The following NOL4 variants were observed in gnomAD, a reference collection of about 807,000 sequenced individuals.
The protein encoded by NOL4 is cancer/testis antigen 125.
In NOL4, 17 loss-of-function variants were observed where a neutral mutation model predicts 75.9. That is an observed-to-expected ratio of 0.22 (90% confidence interval 0.15 to 0.34). The LOEUF is 0.34. Ranked by LOEUF, NOL4 falls within the 10% of genes least tolerant of loss-of-function variation. NOL4 has a pLI of 1.00. For synonymous variants in NOL4, 292 were observed against 289.9 expected (o/e 1.01, Z -0.07); for missense variants, 614 against 793.5 (o/e 0.77, Z 2.72).
At chr18:33,986,758 TCA>T (rs1469226423) in intron 6 of NOL4, among the ~76,000 whole-genome samples, 1 of 152,090 alleles carries the variant, frequency 6.6e-6, no homozygotes, top group African/African-American at 2.4e-5. Flanking sequence ...AAAAAAAATC[TCA>T]CACTTATTTA....
chr18:33,955,898 G>C (rs868677092), intron 8 of NOL4, among the ~76,000 whole-genome samples: 9 of 152,040 alleles, frequency 5.9e-5, no homozygotes, highest in South Asian at 2.1e-4. Flanking sequence ...AGGCTATTTG[G>C]TTTAACTAGG....
At chr18:34,022,434 T>G (rs2075099616) in intron 5 of NOL4, among the ~76,000 whole-genome samples, 1 of 152,092 alleles carries the variant, frequency 6.6e-6, no homozygotes, top group African/African-American at 2.4e-5. Context: ...TTCAAAATAT[T>G]ATTTTAACAT....
chr18:34,133,400 T>A (rs1009191095), intron 1 of NOL4, among the ~76,000 whole-genome samples: 5 of 151,114 alleles, frequency 3.3e-5, no homozygotes, highest in African/African-American at 1.2e-4. Flanking sequence ...GTAAATGACA[T>A]CAGACAGTAA....
In NOL4 at chr18:34,123,709, G is replaced by T. The variant is rs138017122; in HGVS notation, c.414+6162C>A. On this transcript the variant is annotated intron_variant, in intron 2 of 10. Transcript: ENST00000261592. Reference sequence around the variant, plus strand: ...TAATAGATATATATGTATATATAGAGAGATAGATGGATACATATATGTCTA... The same window carrying T: ...TAATAGATATATATGTATATATAGATAGATAGATGGATACATATATGTCTA... Among the ~76,000 whole-genome samples the T allele has an allele frequency of 4.7e-4, 67 of 141,318 alleles. 1 individual carries two copies. In the East Asian group the frequency reaches 0.013, roughly 27 times the overall value. 92.7% of individuals were successfully genotyped at this position (141,318 alleles called of 152,430 possible). A position where few individuals can be genotyped will look rare whatever the true frequency, so the allele number is the denominator to read the frequency against.
intron 1 of NOL4, among the ~76,000 whole-genome samples, chr18:34,210,385 T>C (rs2036433293): frequency 1.3e-5 from 2 of 152,238 alleles, no homozygotes; most frequent in Admixed American, 1.3e-4. Context: ...ATTTTGAGTC[T>C]TTGTAATGCA....
intron 6 of NOL4, among the ~76,000 whole-genome samples, chr18:34,002,167 T>C (rs1361048261): frequency 6.6e-6 from 1 of 152,154 alleles, no homozygotes; most frequent in Non-Finnish European, 1.5e-5. Flanking sequence ...TTATCCTCAC[T>C]ACTCATAGTA....
chr18:33,985,616 A>G (rs1204745437), intron 6 of NOL4, among the ~76,000 whole-genome samples: 4 of 152,064 alleles, frequency 2.6e-5, no homozygotes, highest in African/African-American at 9.7e-5. Context: ...AAAGACCCTC[A>G]TGTCTTGTCT....
chr18:33,996,981 T>TTA (rs2073335355), intron 6 of NOL4, among the ~76,000 whole-genome samples: 1 of 151,906 alleles, frequency 6.6e-6, no homozygotes, highest in South Asian at 2.1e-4. Context: ...TTTAAGTTCC[T>TTA]TACGCATTCT....
At chr18:33,882,003 T>G (rs974065906) in intron 10 of NOL4, among the ~76,000 whole-genome samples, 2 of 152,200 alleles carry the variant, frequency 1.3e-5, no homozygotes, top group Non-Finnish European at 2.9e-5. Flanking sequence ...GCTAGCCATA[T>G]GTAGAAAGCT....
intron 5 of NOL4, among the ~76,000 whole-genome samples, chr18:34,058,603 T>A (rs1198331368): frequency 6.6e-6 from 1 of 152,170 alleles, no homozygotes; most frequent in Admixed American, 6.5e-5. Context: ...TGCCTACGTC[T>A]AGCAAGCACC....
At chr18:34,181,516 G>T (rs970134827) in intron 1 of NOL4, among the ~76,000 whole-genome samples, 2 of 151,448 alleles carry the variant, frequency 1.3e-5, no homozygotes, top group African/African-American at 4.8e-5. Context: ...TTAAGTAACA[G>T]TTTTTAAAAT....
intron 1 of NOL4, among the ~76,000 whole-genome samples, chr18:34,160,871 T>A (rs1392453326): frequency 6.6e-6 from 1 of 152,188 alleles, no homozygotes; most frequent in African/African-American, 2.4e-5. Context: ...CAATATATTG[T>A]TGCTAACTAT....
At chr18:34,054,921 C>T (rs117333808) in intron 5 of NOL4, among the ~76,000 whole-genome samples, 5,624 of 149,732 alleles carry the variant, frequency 0.038, 130 homozygotes, top group East Asian at 0.062. Context: ...ACATAACATT[C>T]TATATAATGT....
chr18:34,093,581 T>C lies in NOL4; in HGVS notation c.656A>G (p.Glu219Gly). 1 of 1,588,450 alleles carries C rather than the reference T, an allele frequency of 6.3e-7. No homozygotes were observed. Among genetic ancestry groups the C allele is most frequent in the Non-Finnish European group, 8.6e-7 (1 of 1,164,036 alleles). The part of the protein sequence containing the change: ...SQQDEDESSI[E>G]SDEFDMSDST... ...ATCACTCATGTCAAATTCATCACTT[T>C]CTATTGAACTTTCATCCTGAAAATA... is the stretch of plus-strand genomic sequence containing the variant. Residue 219 changes from glutamate (E) to glycine (G), a missense_variant, in exon 5 of 11, where the codon GAA (glutamate) becomes GGA (glycine). Physicochemically the swap from Glu to Gly is moderately conservative, Grantham distance 98 (BLOSUM62 -2). Around this residue, in one of 9 missense-constraint regions of NOL4, gnomAD observed 135 missense variants for 220.4 expected, o/e 0.61. Transcript: ENST00000261592.
At chr18:33,930,388 A>G (rs1432456254) in intron 9 of NOL4, among the ~76,000 whole-genome samples, 4 of 152,118 alleles carry the variant, frequency 2.6e-5, no homozygotes, top group Non-Finnish European at 5.9e-5. Context: ...TTTTGTAATC[A>G]CATTTCTCTG....
intron 5 of NOL4, among the ~76,000 whole-genome samples, chr18:34,056,288 C>T (rs565874952): frequency 5.3e-5 from 8 of 152,288 alleles, no homozygotes; most frequent in South Asian, 4.1e-4. Context: ...GTGCAGAGAA[C>T]GGCCTTCATC....
At chr18:33,944,803 C>T (rs2068727900) in intron 8 of NOL4, among the ~76,000 whole-genome samples, 1 of 151,812 alleles carries the variant, frequency 6.6e-6, no homozygotes, top group Non-Finnish European at 1.5e-5. Flanking sequence ...AGCATAATTT[C>T]AAAACTCATA....
chr18:34,136,147 G>A (rs2080881941), intron 1 of NOL4, among the ~76,000 whole-genome samples: 2 of 152,072 alleles, frequency 1.3e-5, no homozygotes, highest in South Asian at 4.1e-4. Flanking sequence ...ATACTTCCCT[G>A]ACAAAAATTC....
chr18:33,924,833 G>A (rs918803526), intron 9 of NOL4, among the ~76,000 whole-genome samples: 1 of 152,130 alleles, frequency 6.6e-6, no homozygotes, highest in African/African-American at 2.4e-5. Context: ...ATTTGATCTA[G>A]GGTGTTGTTC....
Sources: gnomAD v4.1 joint callset for allele counts (sites outside exome capture counted in the v4.1 genomes callset) on GRCh38, gnomAD v4.1.1 for gene constraint, gnomAD v4.1.1 regional missense constraint, MANE v1.5 for transcripts, NCBI Gene and HGNC (gene_info 2026-07-23, HGNC 2026-07-21) for gene names.